The following TBC1D15 variants were observed in gnomAD, a reference collection of about 807,000 sequenced individuals.
The protein encoded by TBC1D15 is GAP for RAB7.
Under a neutral mutation model 95.4 loss-of-function variants are expected in TBC1D15, and 39 were observed. That is an observed-to-expected ratio of 0.41 (90% CI 0.32 to 0.53). TBC1D15 has a LOEUF of 0.53. TBC1D15 is among the 20% of genes least tolerant of loss of function. The probability of loss-of-function intolerance (pLI) is 0.29; values close to 1 mark genes in which losing one functional copy is unlikely to be tolerated. For missense variants in TBC1D15, 733 were observed against 794.3 expected, an observed-to-expected ratio of 0.92 and a Z score of 0.93; for synonymous variants, 258 against 261.3, an observed-to-expected ratio of 0.99 and a Z score of 0.12.
At chr12:71,866,785 T>C (rs1459880505) in intron 1 of TBC1D15, among the ~76,000 whole-genome samples, 1 of 152,188 alleles carries the variant, frequency 6.6e-6, no homozygotes, top group Non-Finnish European at 1.5e-5. Flanking sequence ...AATGTAGTTG[T>C]TTGTTCATTG....
At chr12:71,922,926 G>C (rs1442693896) in intron 16 of TBC1D15, 57 bp from the exon 17 acceptor site, 1 of 1,502,164 alleles carries the variant, frequency 6.7e-7, no homozygotes, top group African/African-American at 1.4e-5. Flanking sequence ...GTGTTACTTT[G>C]TGGTTATTTT....
rs144756580 is a variant in TBC1D15, at chr12:71,891,892, G to A, written c.555-1330G>A. Among the ~76,000 whole-genome samples the A allele has an allele frequency of 3.3e-3, 505 of 152,180 alleles. 2 individuals carry two copies. Among genetic ancestry groups the A allele is most frequent in the African/African-American group, 0.012 (486 of 41,536 alleles). On this transcript the variant is annotated intron_variant, in intron 5 of 16. Transcript: ENST00000485960. ...TCCTCTTTTATATGTATAGGCAGTG[G>A]TTTGACTTTCATGAGCATTTTTTAT... is the stretch of plus-strand genomic sequence containing the variant.
intron 7 of TBC1D15, among the ~76,000 whole-genome samples, 186 bp downstream of exon 7, chr12:71,895,069 T>C (rs182331672): frequency 2.3e-3 from 346 of 152,200 alleles, no homozygotes; most frequent in Admixed American, 3.7e-3. Flanking sequence ...CTCTATCTTA[T>C]ACTCTTTCTT....
At chr12:71,903,317 A>G (rs1899890056) in intron 10 of TBC1D15, among the ~76,000 whole-genome samples, 1 of 152,200 alleles carries the variant, frequency 6.6e-6, no homozygotes, top group Non-Finnish European at 1.5e-5. Flanking sequence ...CAACAATGAG[A>G]TACCATCTCC....
intron 3 of TBC1D15, among the ~76,000 whole-genome samples, chr12:71,875,465 A>T (rs77921460): frequency 0.024 from 3,701 of 151,998 alleles, 134 homozygotes; most frequent in African/African-American, 0.085. Context: ...CTAACTCAGG[A>T]TTATGAAGAT....
chr12:71,870,852 A>G (rs1892515281), intron 1 of TBC1D15, among the ~76,000 whole-genome samples: 1 of 152,206 alleles, frequency 6.6e-6, no homozygotes, highest in Non-Finnish European at 1.5e-5. Flanking sequence ...AATGTTAGCT[A>G]AAAACAGGAA....
At chr12:71,888,879 T>G (rs1285958002) in intron 5 of TBC1D15, among the ~76,000 whole-genome samples, 1 of 152,016 alleles carries the variant, frequency 6.6e-6, no homozygotes, top group Non-Finnish European at 1.5e-5. Flanking sequence ...TTCAAGTATT[T>G]TTTTTTGAAT....
At chr12:71,856,337 C>T (rs143346729) in intron 1 of TBC1D15, among the ~76,000 whole-genome samples, 1 of 152,232 alleles carries the variant, frequency 6.6e-6, no homozygotes, top group East Asian at 1.9e-4. Flanking sequence ...ATTGATGCCT[C>T]TGTATCCCTA....
At chr12:71,849,186 A>G (rs1887129805) in intron 1 of TBC1D15, 1 of 313,080 alleles carries the variant, frequency 3.2e-6, no homozygotes, top group South Asian at 1.1e-4. Context: ...AAACAAAAAA[A>G]AAACAAAAAA....
At chr12:71,871,542 G>A (rs1388220032) in intron 1 of TBC1D15, among the ~76,000 whole-genome samples, 1 of 151,980 alleles carries the variant, frequency 6.6e-6, no homozygotes, top group Non-Finnish European at 1.5e-5. Flanking sequence ...TTCAATTCGA[G>A]CTCAGTATTT....
chr12:71,902,411 C>G (rs1322858092), intron 10 of TBC1D15, among the ~76,000 whole-genome samples: 1 of 151,986 alleles, frequency 6.6e-6, no homozygotes, highest in African/African-American at 2.4e-5. Flanking sequence ...TTAGAGAACC[C>G]AAAAATAAAG....
intron 2 of TBC1D15, 150 bp from the exon 3 acceptor site, chr12:71,872,779 T>C (rs1014526421): frequency 1.9e-6 from 1 of 517,764 alleles, no homozygotes; most frequent in Non-Finnish European, 3.3e-6. Flanking sequence ...TTGAAAAATC[T>C]ATGTAACATT....
intron 1 of TBC1D15, 128 bp downstream of exon 1, chr12:71,839,939 A>T: frequency 8.4e-7 from 1 of 1,185,632 alleles, no homozygotes; most frequent in South Asian, 1.3e-5. Context: ...CGTCTGTAGG[A>T]GAAGACTGGG....
chr12:71,845,611 T>G (rs1886092365), intron 1 of TBC1D15, among the ~76,000 whole-genome samples: 1 of 152,246 alleles, frequency 6.6e-6, no homozygotes, highest in Non-Finnish European at 1.5e-5. Flanking sequence ...ATGCTCAGTC[T>G]CGCATTTCCT....
intron 5 of TBC1D15, among the ~76,000 whole-genome samples, chr12:71,887,995 A>G (rs1281619965): frequency 6.6e-6 from 1 of 152,246 alleles, no homozygotes; most frequent in Non-Finnish European, 1.5e-5. Flanking sequence ...TGACTCCAGA[A>G]AGAAATTAGA....
intron 3 of TBC1D15, among the ~76,000 whole-genome samples, chr12:71,877,212 T>G (rs74829492): frequency 0.018 from 2,246 of 122,662 alleles, 20 homozygotes; most frequent in African/African-American, 0.039. Context: ...GTGTGTGTGT[T>G]TTTTTTTTTT....
At chr12:71,848,912 A>C (rs1459420641) in intron 1 of TBC1D15, among the ~76,000 whole-genome samples, 3 of 152,148 alleles carry the variant, frequency 2.0e-5, no homozygotes, top group Non-Finnish European at 4.4e-5. Flanking sequence ...AATTAAATAA[A>C]ATCTATACAA....
At chr12:71,914,913 A>C (rs17110407) in intron 12 of TBC1D15, among the ~76,000 whole-genome samples, 2,496 of 151,558 alleles carry the variant, frequency 0.016, 74 homozygotes, top group African/African-American at 0.058. Flanking sequence ...GCTTGTGGCT[A>C]TTTCCCCAAA....
chr12:71,889,900 T>C (rs1896912947), intron 5 of TBC1D15, among the ~76,000 whole-genome samples: 1 of 152,192 alleles, frequency 6.6e-6, no homozygotes, highest in South Asian at 2.1e-4. Flanking sequence ...GTATTTGACT[T>C]TCTGTTCCTG....
Sources: gnomAD v4.1 joint callset for allele counts (sites outside exome capture counted in the v4.1 genomes callset) on GRCh38, gnomAD v4.1.1 for gene constraint, MANE v1.5 for transcripts, NCBI Gene and HGNC (gene_info 2026-07-23, HGNC 2026-07-21) for gene names.